Variants in NBPF15 observed in about 807,000 individuals in gnomAD.
NBPF15 encodes NBPF family member NBPF15.
Under a neutral mutation model 62.2 loss-of-function variants are expected in NBPF15, and 74 were observed. The ratio of observed to expected loss-of-function variants is 1.19; its 90% CI spans 0.99 to 1.44. NBPF15 has a LOEUF of 1.44. Among genes scored for constraint, NBPF15 ranks in the 40% most tolerant of loss-of-function variants. The pLI is 0.00. For synonymous variants in NBPF15, 244 were observed against 209.7 expected, an observed-to-expected ratio of 1.16 and a Z score of -1.41; for missense variants, 790 against 550.0, an observed-to-expected ratio of 1.44 and a Z score of -4.36.
intron 14 of NBPF15, among the ~76,000 whole-genome samples, chr1:144,429,057 G>A (rs1471781842): frequency 6.6e-5 from 10 of 151,836 alleles, no homozygotes; most frequent in African/African-American, 2.4e-4. Context: ...TTTGATGAAG[G>A]GGTGCAATGT....
intron 13 of NBPF15, among the ~76,000 whole-genome samples, chr1:144,432,584 C>T (rs880002371): frequency 9.1e-4 from 138 of 151,840 alleles, no homozygotes; most frequent in African/African-American, 3.0e-3. Flanking sequence ...CAGAGACACA[C>T]ATAGGCTCAA....
At position 144,421,552 on chromosome 1, in the gene NBPF15, ACT is replaced by A. The variant is rs1433781948; in HGVS notation, c.*1459_*1460del. The A allele has an allele frequency of 8.6e-5, 13 of 151,366 alleles. No individual in the cohort carries two copies. Among genetic ancestry groups the A allele is most frequent in the Admixed American group, 8.6e-4 (13 of 15,196 alleles). 9.4% of individuals were successfully genotyped at this position (151,366 alleles called of 1,614,324 possible). ...AAATTAACTTTGGACAAAAATTAAA[ACT>A]CAGGCAGAGAATGTTTTCTTCTTTT... On this transcript the variant is annotated 3_prime_UTR_variant, in exon 22 of 22. Coordinates refer to ENST00000581897, the MANE Select transcript of NBPF15 (RefSeq NM_001385408.1).
At chr1:144,423,357 A>T in intron 21 of NBPF15, 101 bp from the exon 22 acceptor site, 1 of 1,605,152 alleles carries the variant, frequency 6.2e-7, no homozygotes, top group Non-Finnish European at 8.5e-7. Flanking sequence ...TTAGAAAAGA[A>T]AAAGGATAGA....
chr1:144,459,886 T>C (rs1571174256), intron 2 of NBPF15, among the ~76,000 whole-genome samples: 7 of 151,890 alleles, frequency 4.6e-5, no homozygotes, highest in Admixed American at 4.6e-4. Context: ...TGGGAAAACG[T>C]TCAACAATAT....
At chr1:144,436,425 A>G (rs1485489738) in intron 10 of NBPF15, among the ~76,000 whole-genome samples, 4 of 151,818 alleles carry the variant, frequency 2.6e-5, no homozygotes, top group African/African-American at 9.7e-5. Flanking sequence ...TTTGGAAAGC[A>G]GTTGTAAGTG....
rs1197441549 is a variant in NBPF15 at position 144,444,520 on chromosome 1, A to G, written c.-190-4225T>C. Among the ~76,000 whole-genome samples, 13 of 151,804 alleles carry G rather than the reference A, an allele frequency of 8.6e-5. No individual in the cohort carries two copies. The South Asian group carries it at 2.5e-3, about 29-fold the overall frequency. On this transcript the variant is annotated intron_variant, in intron 6 of 21. Coordinates refer to ENST00000581897, the MANE Select transcript of NBPF15 (RefSeq NM_001385408.1). ...TCTGTGATTTAGCAGGAGACAAGAT[A>G]AGGGCCCCCAGCACCTAGACCCATT...
chr1:144,442,464 A>G (rs1281181540), intron 6 of NBPF15: 2 of 148,810 alleles, frequency 1.3e-5, no homozygotes, highest in African/African-American at 2.5e-5. Flanking sequence ...AGCGAGGGCT[A>G]CTGCACAGCT....
At chr1:144,430,453 C>G (rs1194223767) in intron 13 of NBPF15, among the ~76,000 whole-genome samples, 2 of 147,742 alleles carry the variant, frequency 1.4e-5, no homozygotes, top group African/African-American at 4.9e-5. Flanking sequence ...GGACTTCCAG[C>G]AAACTCCAAC....
rs587726271 is a variant in NBPF15, at chr1:144,439,021, T to C, written c.175+808A>G. On this transcript the variant is annotated intron_variant, in intron 8 of 21. Transcript: ENST00000581897. ...ATTTTTTTTTAACAGTCTTGCCCTG[T>C]CGCCCAGGCTGGAGTGCAATGGCAA... Among the ~76,000 whole-genome samples, 311 of 151,968 alleles carry C rather than the reference T, an allele frequency of 2.0e-3. 5 individuals are homozygous for C. Among genetic ancestry groups the C allele is most frequent in the Middle Eastern group, 6.8e-3 (2 of 294 alleles).
intron 20 of NBPF15, among the ~76,000 whole-genome samples, chr1:144,424,296 T>C (rs1193726875): frequency 2.6e-5 from 4 of 151,626 alleles, no homozygotes; most frequent in Non-Finnish European, 4.4e-5. Flanking sequence ...GGAGAAAAAC[T>C]GCAATATTTA....
chr1:144,434,751 C>T (rs1676956478), intron 12 of NBPF15, among the ~76,000 whole-genome samples: 1 of 151,840 alleles, frequency 6.6e-6, no homozygotes, highest in African/African-American at 2.4e-5. Context: ...GCAAGGCTGC[C>T]AGCTTCCTTA....
chr1:144,455,283 G>GGGAA (rs145460444), intron 4 of NBPF15, among the ~76,000 whole-genome samples: 27 of 142,948 alleles, frequency 1.9e-4, no homozygotes, highest in African/African-American at 3.4e-4. Context: ...GAGAGAAGTA[G>GGGAA]GGAAGGAAGG....
At chr1:144,455,420 C>T (rs749559478) in intron 4 of NBPF15, among the ~76,000 whole-genome samples, 1 of 152,032 alleles carries the variant, frequency 6.6e-6, no homozygotes, top group Non-Finnish European at 1.5e-5. Context: ...TACTGTAAAA[C>T]TATATGCTGT....
Position 144,456,670 on chromosome 1 carries a change from C to A in NBPF15, c.-565G>T. 6 of 1,451,502 alleles carry A rather than the reference C, an allele frequency of 4.1e-6. No homozygotes were observed. Among genetic ancestry groups the A allele is most frequent in the South Asian group, 2.9e-5 (2 of 68,438 alleles). 89.9% of individuals were successfully genotyped at this position (1,451,502 alleles called of 1,614,324 possible). A position where few individuals can be genotyped will look rare whatever the true frequency, so the allele number is the denominator to read the frequency against. The stretch of plus-strand genomic sequence containing the variant: ...CTGGACAGTGGGAGTTGGTGGCAGC[C>A]CCAGCGTGGAGGCCAAGAACACACA... On this transcript the variant is annotated 5_prime_UTR_variant, in exon 4 of 22. Coordinates refer to ENST00000581897, the MANE Select transcript of NBPF15 (RefSeq NM_001385408.1).
Position 144,452,208 on chromosome 1 carries a change from T to C in NBPF15, c.-431-1338A>G, listed in dbSNP as rs587716067. On this transcript the variant is annotated intron_variant, in intron 4 of 21. Transcript: ENST00000581897. ...GTTCACTACTTCAAATATTATTATG[T>C]GAAAATGTATCATCTCAATTTTAAT... 2.0e-5 allele frequency among the ~76,000 whole-genome samples: 3 copies of C among 152,138 alleles called. No individual in the cohort carries two copies. The East Asian group carries it at 5.8e-4, about 29-fold the overall frequency.
At chr1:144,455,446 C>A (rs1553546667) in intron 4 of NBPF15, among the ~76,000 whole-genome samples, 2 of 152,022 alleles carry the variant, frequency 1.3e-5, no homozygotes. Context: ...CGGGGTACAA[C>A]CCCTTCTTCC....
At chr1:144,456,337 A>G (rs1288751940) in intron 4 of NBPF15, among the ~76,000 whole-genome samples, 200 bp downstream of exon 4, 1 of 152,108 alleles carries the variant, frequency 6.6e-6, no homozygotes, top group South Asian at 2.1e-4. Context: ...CTTCCACCTG[A>G]CGACGGCACT....
Position 144,460,863 on chromosome 1 carries a change from A to T in NBPF15, c.-839T>A, listed in dbSNP as rs78431474. On this transcript the variant is annotated 5_prime_UTR_variant, in exon 2 of 22. An upstream open reading frame in the 5' UTR loses its in-frame stop. Transcript: ENST00000581897. Reference sequence around the variant, plus strand: ...CCTACCGGAAATCCTGCGGTGAATTAGAGGCCTGCCCCGCTAGTCATGAGG... The same window carrying T: ...CCTACCGGAAATCCTGCGGTGAATTTGAGGCCTGCCCCGCTAGTCATGAGG... 1.6e-4 allele frequency: 24 copies of T among 151,510 alleles called. No individual in the cohort carries two copies. The highest frequency in any genetic ancestry group is 9.8e-4 in the East Asian group (5 of 5,124). The allele number at this position is 151,510 out of a possible 1,614,324, so 9.4% of individuals were successfully genotyped here.
At chr1:144,438,880 A>G (rs1284680123) in intron 8 of NBPF15, among the ~76,000 whole-genome samples, 6 of 151,912 alleles carry the variant, frequency 3.9e-5, no homozygotes, top group African/African-American at 1.4e-4. Flanking sequence ...ACATTCTCGG[A>G]TGCGATCTTT....
Sources: gnomAD v4.1 joint callset for allele counts (sites outside exome capture counted in the v4.1 genomes callset) on GRCh38, gnomAD v4.1.1 for gene constraint, MANE v1.5 for transcripts, NCBI Gene and HGNC (gene_info 2026-07-23, HGNC 2026-07-21) for gene names.